Variants in OOSP3 observed in about 807,000 individuals in gnomAD.
OOSP3 encodes the protein oocyte secreted protein family member 3, also known as oocyte-secreted protein 3.
At chr11:59,881,320 A>G (rs483974) in intron 2 of OOSP3, among the ~76,000 whole-genome samples, 145,450 of 151,614 alleles carry the variant, frequency 0.96, 69,835 homozygotes, top group Middle Eastern at 1. Context: ...AGCCAAGATC[A>G]TGCCACTGCA....
rs1174429243 is a variant in OOSP3, at chr11:59,884,449, T to TTGTCTGTC, written c.252+4032_252+4039dup. ...TTTCTATATACAAGATCATGTCTGT[T>TTGTCTGTC]TGTCTGTCTGTCTGTCTGTCTGTCT... On this transcript the variant is annotated intron_variant, in intron 2 of 4. Transcript: ENST00000646438. Among the ~76,000 whole-genome samples the TTGTCTGTC allele has an allele frequency of 1.1e-4, 16 of 139,660 alleles. 1 individual carries two copies. Among genetic ancestry groups the TTGTCTGTC allele is most frequent in the African/African-American group, 3.5e-4 (13 of 37,370 alleles). The allele number at this position is 139,660 out of a possible 152,430, so 91.6% of individuals were successfully genotyped here. A position where few individuals can be genotyped will look rare whatever the true frequency, so the allele number is the denominator to read the frequency against.
intron 2 of OOSP3, among the ~76,000 whole-genome samples, chr11:59,886,404 C>G (rs932339094): frequency 6.6e-6 from 1 of 152,146 alleles, no homozygotes; most frequent in African/African-American, 2.4e-5. Flanking sequence ...TGGGTATATA[C>G]CCAGTAAAGG....
At chr11:59,881,650 G>T (rs1331592672) in intron 2 of OOSP3, among the ~76,000 whole-genome samples, 1 of 152,204 alleles carries the variant, frequency 6.6e-6, no homozygotes, top group Non-Finnish European at 1.5e-5. Flanking sequence ...GGCCGAGGCA[G>T]GCAGATCACC....
intron 2 of OOSP3, among the ~76,000 whole-genome samples, chr11:59,885,576 T>A (rs1256975290): frequency 1.3e-5 from 2 of 152,178 alleles, no homozygotes; most frequent in African/African-American, 4.8e-5. Flanking sequence ...CAGTATTTGA[T>A]TTTCTGTTCC....
chr11:59,879,352 AGTT>A (rs1853180303), intron 1 of OOSP3, among the ~76,000 whole-genome samples: 3 of 152,208 alleles, frequency 2.0e-5, no homozygotes, highest in Admixed American at 6.5e-5. Flanking sequence ...TAAGTCATAA[AGTT>A]GTTATCATTA....
intron 3 of OOSP3, among the ~76,000 whole-genome samples, chr11:59,895,022 T>C (rs923822000): frequency 2.6e-5 from 4 of 152,230 alleles, no homozygotes; most frequent in Non-Finnish European, 5.9e-5. Context: ...GGCATAATTG[T>C]ATTAAAATAT....
chr11:59,890,883 G>C (rs943049891), intron 2 of OOSP3, among the ~76,000 whole-genome samples: 1 of 152,154 alleles, frequency 6.6e-6, no homozygotes, highest in Non-Finnish European at 1.5e-5. Flanking sequence ...TTCCAAACTT[G>C]GTTCCATCTT....
chr11:59,884,605 T>A (rs1279633122), intron 2 of OOSP3, among the ~76,000 whole-genome samples: 1 of 151,682 alleles, frequency 6.6e-6, no homozygotes, highest in Admixed American at 6.6e-5. Context: ...GTTCAAGCAA[T>A]TCTGCTGCCT....
intron 2 of OOSP3, among the ~76,000 whole-genome samples, chr11:59,888,660 G>A (rs1013199717): frequency 4.6e-5 from 7 of 152,170 alleles, no homozygotes; most frequent in South Asian, 4.1e-4. Context: ...CTTGATTGTG[G>A]TGTATAAGCT....
intron 3 of OOSP3, among the ~76,000 whole-genome samples, chr11:59,894,879 C>G (rs1440854968): frequency 6.6e-6 from 1 of 152,106 alleles, no homozygotes; most frequent in African/African-American, 2.4e-5. Flanking sequence ...GAATAGTAGC[C>G]AAATTACTCA....
rs188800768 is a variant in OOSP3, at chr11:59,892,755, A to G, written c.253-1324A>G. Among the ~76,000 whole-genome samples the G allele has an allele frequency of 5.0e-3, 763 of 152,252 alleles. 7 individuals carry two copies. Among genetic ancestry groups the G allele is most frequent in the African/African-American group, 0.017 (718 of 41,560 alleles). ...TGGGGCTTTTGAGGAGCTCCAAACCATCTATTTCCTCTGGATCCTGCTAGG... is the reference window on the plus strand; with the variant it reads ...TGGGGCTTTTGAGGAGCTCCAAACCGTCTATTTCCTCTGGATCCTGCTAGG... On this transcript the variant is annotated intron_variant, in intron 2 of 4. Coordinates refer to ENST00000646438, the Ensembl canonical transcript of OOSP3.
chr11:59,884,467 GTCTGTCTGTCTCTCTCTCTCTCTC>G (rs1316201310), intron 2 of OOSP3, among the ~76,000 whole-genome samples: 69 of 121,984 alleles, frequency 5.7e-4, no homozygotes, highest in African/African-American at 2.2e-3. Flanking sequence ...CTGTCTGTCT[GTCTGTCTGTCTCTCTCTCTCTCTC>G]TCTCTCTCTC....
chr11:59,892,607 G>A (rs1344975099), intron 2 of OOSP3, among the ~76,000 whole-genome samples: 3 of 151,856 alleles, frequency 2.0e-5, no homozygotes, highest in African/African-American at 2.4e-5. Context: ...GTAGTTTTTG[G>A]CTACTAATCC....
At chr11:59,895,651 C>T (rs1322364760) in exon 4 of OOSP3, 9 of 398,164 alleles carry the variant, frequency 2.3e-5, no homozygotes, top group Admixed American at 8.8e-5. Flanking sequence ...CAAAACTCCT[C>T]GGTGAGGATC....
intron 2 of OOSP3, among the ~76,000 whole-genome samples, chr11:59,891,520 C>A (rs896491875): frequency 1.3e-5 from 2 of 152,160 alleles, no homozygotes; most frequent in African/African-American, 4.8e-5. Context: ...ACATTCAGAA[C>A]CCGCTTCTGC....
intron 2 of OOSP3, among the ~76,000 whole-genome samples, 159 bp from the exon 3 acceptor site, chr11:59,893,920 T>A (rs914251868): frequency 6.6e-6 from 1 of 152,182 alleles, no homozygotes; most frequent in Non-Finnish European, 1.5e-5. Flanking sequence ...TTTTTTAAAA[T>A]TTTTCTGGTG....
intron 2 of OOSP3, among the ~76,000 whole-genome samples, chr11:59,892,379 C>G (rs1853319978): frequency 6.6e-6 from 1 of 151,966 alleles, no homozygotes; most frequent in Admixed American, 6.6e-5. Context: ...ATAAGAGAAT[C>G]TGGGTACCTC....
intron 1 of OOSP3, among the ~76,000 whole-genome samples, chr11:59,879,825 C>T (rs113635535): frequency 0.015 from 2,326 of 152,218 alleles, 72 homozygotes; most frequent in African/African-American, 0.053. Flanking sequence ...TTCACCCACA[C>T]GGGATGTAGA....
At chr11:59,885,795 G>A (rs1853250980) in intron 2 of OOSP3, among the ~76,000 whole-genome samples, 1 of 152,072 alleles carries the variant, frequency 6.6e-6, no homozygotes, top group Non-Finnish European at 1.5e-5. Flanking sequence ...TTTTTGTGAT[G>A]TCTTTGGTTT....
Sources: gnomAD v4.1 joint callset for allele counts (sites outside exome capture counted in the v4.1 genomes callset) on GRCh38, gnomAD v4.1.1 for gene constraint, MANE v1.5 for transcripts, NCBI Gene and HGNC (gene_info 2026-07-23, HGNC 2026-07-21) for gene names.